KCNC2: variants seen among roughly 807,000 people sequenced by gnomAD.
KCNC2 encodes voltage-gated potassium channel KCNC2.
A neutral mutation model predicts 44.5 loss-of-function variants in KCNC2; 21 were observed. The observed-to-expected ratio is 0.47, with a 90% confidence interval of 0.33 to 0.68. The LOEUF (loss-of-function observed/expected upper bound fraction) is 0.68. Among genes scored for constraint, KCNC2 ranks in the 30% least tolerant of loss-of-function variants. The probability of loss-of-function intolerance (pLI) is 0.01; values close to 1 mark genes in which losing one functional copy is unlikely to be tolerated. For missense variants in KCNC2, 589 were observed against 826.2 expected, an observed-to-expected ratio of 0.71 and a Z score of 3.52; for synonymous variants, 391 against 339.1, an observed-to-expected ratio of 1.15 and a Z score of -1.68.
intron 2 of KCNC2, among the ~76,000 whole-genome samples, chr12:75,144,360 A>G (rs1889865724): frequency 6.6e-6 from 1 of 152,200 alleles, no homozygotes; most frequent in African/African-American, 2.4e-5. Context: ...GTGAATTAGT[A>G]GAGTGTTGTC....
At position 75,051,382 on chromosome 12, in the gene KCNC2, T is replaced by C. The variant is rs1881154288; in HGVS notation, c.688-65A>G. 7.7e-6 allele frequency: 7 copies of C among 910,878 alleles called. No homozygotes were observed. The Admixed American group carries it at 1.8e-4, about 23-fold the overall frequency. The allele number at this position is 910,878 out of a possible 1,614,324, so 56.4% of individuals were successfully genotyped here. On this transcript the variant is annotated intron_variant, in intron 2 of 4. Coordinates refer to ENST00000549446, the MANE Select transcript of KCNC2 (RefSeq NM_139137.4). ...GAATCGTAATATATGTTGATTCTAATCTAAAAGCAACAATCCCTGTAAATA... is the reference window on the plus strand; with the variant it reads ...GAATCGTAATATATGTTGATTCTAACCTAAAAGCAACAATCCCTGTAAATA...
chr12:75,174,088 T>A (rs565412721), intron 2 of KCNC2, among the ~76,000 whole-genome samples: 1 of 151,936 alleles, frequency 6.6e-6, no homozygotes, highest in South Asian at 2.1e-4. Context: ...TTCCTTCATA[T>A]GAATTTTGAT....
intron 2 of KCNC2, among the ~76,000 whole-genome samples, chr12:75,145,479 G>A (rs1592964086): frequency 1.3e-5 from 2 of 149,362 alleles, no homozygotes; most frequent in Non-Finnish European, 1.5e-5. Context: ...AAAAAAAAAA[G>A]ACATTATCCT....
At chr12:75,105,997 C>G (rs1886751084) in intron 2 of KCNC2, among the ~76,000 whole-genome samples, 1 of 151,262 alleles carries the variant, frequency 6.6e-6, no homozygotes, top group African/African-American at 2.4e-5. Flanking sequence ...AAGAACTGAG[C>G]TCCCAGAAAA....
At chr12:75,198,017 A>G (rs2030925253) in intron 2 of KCNC2, among the ~76,000 whole-genome samples, 1 of 151,990 alleles carries the variant, frequency 6.6e-6, no homozygotes, top group Non-Finnish European at 1.5e-5. Flanking sequence ...TACATACTAC[A>G]ATTAAGAATT....
chr12:75,067,393 A>C (rs570963188), intron 2 of KCNC2, among the ~76,000 whole-genome samples: 1 of 152,288 alleles, frequency 6.6e-6, no homozygotes, highest in South Asian at 2.1e-4. Flanking sequence ...GTATTAATTC[A>C]TGTTTAAAAA....
At position 75,182,547 on chromosome 12, in the gene KCNC2, C is replaced by CA. The variant is rs566786640; in HGVS notation, c.687+24749dup. ...AAAAAAAAAAAAAAAACAAAAAAAA[C>CA]AAAAAAAAACAAACAGAAAGCACTG... On this transcript the variant is annotated intron_variant, in intron 2 of 4. Transcript: ENST00000549446. Among the ~76,000 whole-genome samples, 866 of 133,410 alleles carry CA rather than the reference C, an allele frequency of 6.5e-3. 4 individuals carry two copies. Among genetic ancestry groups the CA allele is most frequent in the South Asian group, 0.016 (65 of 4,082 alleles). 87.5% of individuals were successfully genotyped at this position (133,410 alleles called of 152,430 possible).
At chr12:75,192,388 G>A (rs1055390310) in intron 2 of KCNC2, among the ~76,000 whole-genome samples, 7 of 152,090 alleles carry the variant, frequency 4.6e-5, no homozygotes, top group African/African-American at 9.7e-5. Context: ...TCCCACCGGC[G>A]ATGTTTCTGT....
intron 4 of KCNC2, 137 bp downstream of exon 4, chr12:75,048,016 A>T (rs1231429309): frequency 1.4e-6 from 1 of 709,388 alleles, no homozygotes; most frequent in Non-Finnish European, 2.4e-6. Flanking sequence ...AGGAGAGAAG[A>T]TGTAATGAAG....
chr12:75,048,129 T>C (rs1191739440), intron 4 of KCNC2, 24 bp downstream of exon 4: 4 of 1,606,326 alleles, frequency 2.5e-6, no homozygotes, highest in Admixed American at 3.4e-5. Context: ...TCACCTGTTA[T>C]GATCTGATTA....
At chr12:75,069,129 CTTTTTTT>C (rs1158151551) in intron 2 of KCNC2, among the ~76,000 whole-genome samples, 1 of 63,648 alleles carries the variant, frequency 1.6e-5, no homozygotes, top group African/African-American at 6.0e-5. Context: ...TTTATATAAT[CTTTTTTT>C]TTTTTTTTTT....
rs1889445511 is a variant in KCNC2, at chr12:75,138,998, A to AAAAC, written c.687+68298_687+68299insGTTT. Among the ~76,000 whole-genome samples, 2 of 122,896 alleles carry AAAAC rather than the reference A, an allele frequency of 1.6e-5. 1 individual carries two copies. The highest frequency in any genetic ancestry group is 5.0e-4 in the South Asian group (2 of 3,982). The allele number at this position is 122,896 out of a possible 152,430, so 80.6% of individuals were successfully genotyped here. On this transcript the variant is annotated intron_variant, in intron 2 of 4. Transcript: ENST00000549446. ...TCCGTGTAAAAAAAAAAAAAAAAAA[A>AAAAC]AAAAAAAACCAAGAAAGAAAAAAAG...
intron 2 of KCNC2, among the ~76,000 whole-genome samples, chr12:75,084,263 G>GA (rs1884770930): frequency 1.3e-5 from 1 of 74,546 alleles, no homozygotes. Flanking sequence ...ATGATAGATA[G>GA]ATAGATTAGA....
At chr12:75,096,912 TA>T (rs1885976079) in intron 2 of KCNC2, among the ~76,000 whole-genome samples, 2 of 152,030 alleles carry the variant, frequency 1.3e-5, no homozygotes, top group African/African-American at 4.8e-5. Context: ...ACACAATTTT[TA>T]AAAAGGAATG....
chr12:75,112,069 T>A (rs1284083173), intron 2 of KCNC2, among the ~76,000 whole-genome samples: 1 of 151,988 alleles, frequency 6.6e-6, no homozygotes, highest in East Asian at 1.9e-4. Flanking sequence ...AATATCTTTT[T>A]AATTAAAATA....
At chr12:75,098,146 T>C (rs1217423717) in intron 2 of KCNC2, among the ~76,000 whole-genome samples, 6 of 152,164 alleles carry the variant, frequency 3.9e-5, no homozygotes, top group Non-Finnish European at 8.8e-5. Context: ...CTCGGCTAGA[T>C]AAGAATAACT....
At chr12:75,098,320 G>C (rs529121623) in intron 2 of KCNC2, among the ~76,000 whole-genome samples, 1 of 152,214 alleles carries the variant, frequency 6.6e-6, no homozygotes, top group African/African-American at 2.4e-5. Flanking sequence ...GTTGCTATTT[G>C]TAAAATATTT....
intron 2 of KCNC2, among the ~76,000 whole-genome samples, chr12:75,182,057 G>A (rs58081222): frequency 8.7e-5 from 13 of 149,618 alleles, no homozygotes; most frequent in Non-Finnish European, 1.9e-4. Context: ...GAGGGAAAGA[G>A]AGGGAAAGGT....
chr12:75,197,821 C>T (rs1167403452), intron 2 of KCNC2, among the ~76,000 whole-genome samples: 1 of 151,818 alleles, frequency 6.6e-6, no homozygotes, highest in African/African-American at 2.4e-5. Context: ...TAAAGAAACC[C>T]AGCGTTGAAG....
Sources: gnomAD v4.1 joint callset for allele counts (sites outside exome capture counted in the v4.1 genomes callset) on GRCh38, gnomAD v4.1.1 for gene constraint, MANE v1.5 for transcripts, NCBI Gene and HGNC (gene_info 2026-07-23, HGNC 2026-07-21) for gene names.